Variants in HMMR observed in about 807,000 individuals in gnomAD.
The protein encoded by HMMR is intracellular hyaluronic acid-binding protein.
HMMR carries 108 observed loss-of-function variants against 101.0 expected under a neutral mutation model. The ratio of observed to expected loss-of-function variants is 1.07; its 90% CI spans 0.92 to 1.25. The LOEUF (loss-of-function observed/expected upper bound fraction) is 1.25, where lower values mean the gene tolerates loss of function less well. Among genes scored for constraint, HMMR ranks in the 50% most tolerant of loss-of-function variants. The pLI is 0.00. For missense variants in HMMR, 813 were observed against 788.7 expected (o/e 1.03, Z -0.37); for synonymous variants, 296 against 276.4 (o/e 1.07, Z -0.70).
chr5:163,484,768 C>T (rs940605037), intron 16 of HMMR, among the ~76,000 whole-genome samples: 1 of 152,122 alleles, frequency 6.6e-6, no homozygotes, highest in Non-Finnish European at 1.5e-5. Flanking sequence ...CCTATCTCCT[C>T]ACCCCACCCC....
chr5:163,475,359 T>G (rs1361231320), intron 10 of HMMR, 99 bp from the exon 11 acceptor site: 3 of 598,722 alleles, frequency 5.0e-6, no homozygotes, highest in Non-Finnish European at 8.8e-6. Flanking sequence ...TCTGTTGAAT[T>G]TAGGTTTCAT....
At chr5:163,489,923 AAGG>A (rs1219817945) in intron 16 of HMMR, among the ~76,000 whole-genome samples, 7 of 152,082 alleles carry the variant, frequency 4.6e-5, no homozygotes, top group African/African-American at 1.7e-4. Flanking sequence ...GGAAGAGGGG[AAGG>A]AGTTTTGGCT....
chr5:163,483,126 C>T lies in HMMR; in HGVS notation c.1639C>T (p.Gln547Ter). 1 of 1,612,446 alleles carries T rather than the reference C, an allele frequency of 6.2e-7. No individual in the cohort carries two copies. The highest frequency in any genetic ancestry group is 1.1e-5 in the South Asian group (1 of 90,844). Residue 547 changes from glutamine (Q) to a stop codon, truncating the protein, a stop_gained, in exon 14 of 18, where the codon CAA becomes TAA. Transcript: ENST00000393915. LOFTEE classifies it high-confidence loss of function. ...AACTGATTTGCAGAACCAACTCAAGCAACAGGAGGAAGACTTTAGAAAACA... is the reference window on the plus strand; with the variant it reads ...AACTGATTTGCAGAACCAACTCAAGTAACAGGAGGAAGACTTTAGAAAACA... ...KITDLQNQLK[Q>*]QEEDFRKQLE... is the part of the protein sequence containing the mutation.
chr5:163,478,905 C>G, intron 12 of HMMR, 105 bp downstream of exon 12: 1 of 649,364 alleles, frequency 1.5e-6, no homozygotes, highest in African/African-American at 1.8e-5. Flanking sequence ...ATGATTCATA[C>G]TAGTTTAAAT....
chr5:163,476,869 A>G (rs1463298152), intron 11 of HMMR, among the ~76,000 whole-genome samples: 1 of 152,106 alleles, frequency 6.6e-6, no homozygotes, highest in Non-Finnish European at 1.5e-5. Flanking sequence ...CTCTACTAAA[A>G]ATACATAGTA....
rs1021494749 is a variant in HMMR, at chr5:163,473,103, T to G, written c.651-76T>G. 70 of 741,694 alleles carry G rather than the reference T, an allele frequency of 9.4e-5. No individual in the cohort carries two copies. In the African/African-American group the frequency reaches 1.2e-3, roughly 13 times the overall value. 45.9% of individuals were successfully genotyped at this position (741,694 alleles called of 1,614,324 possible). On this transcript the variant is annotated intron_variant, in intron 7 of 17. Transcript: ENST00000393915. ...AGTCAGCCTGCCTGATACAGGAGTA[T>G]CTGGTACATAAGCATTATGTAAGAT... is the stretch of plus-strand genomic sequence containing the variant.
At chr5:163,467,666 A>G in intron 3 of HMMR, 35 bp from the exon 4 acceptor site, 3 of 1,275,350 alleles carry the variant, frequency 2.4e-6, no homozygotes, top group Non-Finnish European at 2.3e-6. Context: ...TGTGACATCT[A>G]AATTTGCTTA....
chr5:163,471,791 G>A (rs1267686229), intron 7 of HMMR, among the ~76,000 whole-genome samples: 2 of 152,112 alleles, frequency 1.3e-5, no homozygotes, highest in African/African-American at 2.4e-5. Context: ...CACAATCCTA[G>A]CCTTTGATTT....
rs372124045 is a variant in HMMR at position 163,471,488 on chromosome 5, A to G, written c.650+25A>G. The G allele has an allele frequency of 2.5e-5, 37 of 1,474,494 alleles. No individual in the cohort carries two copies. In the African/African-American group the frequency reaches 4.7e-4, roughly 19 times the overall value. 91.3% of individuals were successfully genotyped at this position (1,474,494 alleles called of 1,614,324 possible). ...TGTAAGTGAGTGAATGTGAAGAGAA[A>G]TTGTTAAGTGGAAGCAATTCTTGAT... On this transcript the variant is annotated intron_variant, in intron 7 of 17. Transcript: ENST00000393915.
In HMMR at chr5:163,483,038, G is replaced by T; in HGVS notation, c.1551G>T (p.Gln517His). 6.2e-7 allele frequency: 1 copy of T among 1,606,900 alleles called. No homozygotes were observed. The highest frequency in any genetic ancestry group is 1.1e-5 in the South Asian group (1 of 89,562). Residue 517 changes from glutamine to histidine, a missense_variant, in exon 14 of 18, where the codon CAG becomes CAT. By Grantham distance (24) the Gln-to-His change is conservative (BLOSUM62 0). Coordinates refer to ENST00000393915, the MANE Select transcript of HMMR (RefSeq NM_001142556.2). Reference sequence around the variant, plus strand: ...ACCAAAGGATGCTTCTAGATCTGCAGACCAAGTCAGCACTAAAGGAAACAG... The same window carrying T: ...ACCAAAGGATGCTTCTAGATCTGCATACCAAGTCAGCACTAAAGGAAACAG... The part of the protein sequence containing the change: ...QEYVRMLLDL[Q>H]TKSALKETEI...
chr5:163,474,211 T>C lies in HMMR; in HGVS notation c.1053+6T>C. ...CACTTCTGCAACAAGAGAAAGTAAT[T>C]TACCACCATATTTTTTTAAACTGTT... On this transcript the variant is annotated splice_donor_region_variant and intron_variant, in intron 10 of 17. Coordinates refer to ENST00000393915, the MANE Select transcript of HMMR (RefSeq NM_001142556.2). 1 of 1,596,682 alleles carries C rather than the reference T, an allele frequency of 6.3e-7. No individual in the cohort carries two copies. The highest frequency in any genetic ancestry group is 8.5e-7 in the Non-Finnish European group (1 of 1,171,426).
At position 163,490,948 on chromosome 5, in the gene HMMR, A is replaced by G. The variant is rs188391806; in HGVS notation, c.2126-164A>G. ...TCTTGACTGTGAATGTTTGTCTTTC[A>G]CGATAAATTAAAGTTGGTTGAAATG... On this transcript the variant is annotated intron_variant, in intron 17 of 17. Transcript: ENST00000393915. 1.6e-4 allele frequency among the ~76,000 whole-genome samples: 24 copies of G among 152,322 alleles called. No homozygotes were observed. In the East Asian group the frequency reaches 4.6e-3, roughly 29 times the overall value.
At position 163,478,788 on chromosome 5, in the gene HMMR, C is replaced by T; in HGVS notation, c.1373C>T (p.Ala458Val). ...GTGCAAAGCCTTGAAGATGTTACTG[C>T]TCAATTTGAAAGGTATTTTTCTTGG... ...SMVQSLEDVTAQFESYKALTA... is the reference protein window; with the variant it reads ...SMVQSLEDVTVQFESYKALTA... The change falls in exon 12 of 18, where the codon GCT becomes GTT. Residue 458 changes from alanine (A) to valine (V), a missense_variant. Physicochemically the swap from Ala to Val is moderately conservative, Grantham distance 64. Transcript: ENST00000393915. 2 of 1,588,090 alleles carry T rather than the reference C, an allele frequency of 1.3e-6. No individual in the cohort carries two copies. Among genetic ancestry groups the T allele is most frequent in the Non-Finnish European group, 1.7e-6 (2 of 1,156,270 alleles).
At chr5:163,479,326 T>G (rs1759178258) in intron 12 of HMMR, among the ~76,000 whole-genome samples, 1 of 152,226 alleles carries the variant, frequency 6.6e-6, no homozygotes, top group Non-Finnish European at 1.5e-5. Flanking sequence ...ACCTTTTTAC[T>G]GGAATTTTTC....
At chr5:163,471,559 G>C (rs169920) in intron 7 of HMMR, 96 bp downstream of exon 7, 260,973 of 772,332 alleles carry the variant, frequency 0.34, 47,437 homozygotes, top group East Asian at 0.56. Flanking sequence ...TCAACCTTCT[G>C]TTAGTACTTA....
intron 9 of HMMR, 66 bp from the exon 10 acceptor site, chr5:163,473,991 G>A: frequency 2.3e-6 from 3 of 1,286,240 alleles, no homozygotes; most frequent in Non-Finnish European, 3.3e-6. Flanking sequence ...TATTATGGGA[G>A]TCCAGGTTTC....
chr5:163,474,925 G>A (rs1759019355), intron 10 of HMMR, among the ~76,000 whole-genome samples: 2 of 151,900 alleles, frequency 1.3e-5, no homozygotes, highest in Non-Finnish European at 2.9e-5. Flanking sequence ...AAATGTATAT[G>A]TATATATAAG....
In HMMR at chr5:163,479,754, T is replaced by C. The variant is rs866426749; in HGVS notation, c.1385+954T>C. On this transcript the variant is annotated intron_variant, in intron 12 of 17. Coordinates refer to ENST00000393915, the MANE Select transcript of HMMR (RefSeq NM_001142556.2). Reference sequence around the variant, plus strand: ...TGTAGCTGTCTCACACCACCAGTCATTCCCTTCTTAACCCCAAATTCTACT... The same window carrying C: ...TGTAGCTGTCTCACACCACCAGTCACTCCCTTCTTAACCCCAAATTCTACT... Among the ~76,000 whole-genome samples, 13 of 152,276 alleles carry C rather than the reference T, an allele frequency of 8.5e-5. 1 individual carries two copies. In the South Asian group the frequency reaches 1.9e-3, roughly 22 times the overall value.
intron 16 of HMMR, among the ~76,000 whole-genome samples, chr5:163,488,469 G>A (rs1210815521): frequency 6.6e-6 from 1 of 152,080 alleles, no homozygotes; most frequent in Non-Finnish European, 1.5e-5. Context: ...GCATTTCTGG[G>A]TACAGCTCCC....
Sources: gnomAD v4.1 joint callset for allele counts (sites outside exome capture counted in the v4.1 genomes callset) on GRCh38, gnomAD v4.1.1 for gene constraint, MANE v1.5 for transcripts, NCBI Gene and HGNC (gene_info 2026-07-23, HGNC 2026-07-21) for gene names.